Variants in SENP6 observed in about 807,000 individuals in gnomAD.
SENP6 encodes SUMO specific peptidase 6.
Under a neutral mutation model 134.5 loss-of-function variants are expected in SENP6, and 41 were observed. That is an observed-to-expected ratio of 0.30 (90% CI 0.24 to 0.40). SENP6 has a LOEUF of 0.40. Among genes scored for constraint, SENP6 ranks in the 10% least tolerant of loss-of-function variants. SENP6 has a pLI of 1.00. For missense variants in SENP6, 1,248 were observed against 1,312.5 expected (o/e 0.95, Z 0.76); for synonymous variants, 395 against 429.8 (o/e 0.92, Z 1.00).
rs182451653 is a variant in SENP6, at chr6:75,622,679, C to T, written c.146+1054C>T. ...CCACAAATATACACACAAAGTTCTA[C>T]CAAAACTATAAATATGTTAAAGAAA... On this transcript the variant is annotated intron_variant, in intron 2 of 23. Coordinates refer to ENST00000447266, the MANE Select transcript of SENP6 (RefSeq NM_015571.4). The T allele has an allele frequency of 9.6e-6, 7 of 727,900 alleles. No individual in the cohort carries two copies. The African/African-American group carries it at 1.1e-4, about 11-fold the overall frequency. 45.1% of individuals were successfully genotyped at this position (727,900 alleles called of 1,614,324 possible).
rs779056267 is a variant in SENP6, at chr6:75,703,033, G to C, written c.2677G>C (p.Gly893Arg). 5.0e-6 allele frequency: 8 copies of C among 1,611,408 alleles called. No individual in the cohort carries two copies. The highest frequency in any genetic ancestry group is 5.9e-6 in the Non-Finnish European group (7 of 1,179,170). The change falls in exon 19 of 24, where the codon GGC becomes CGC. Residue 893 changes from glycine to arginine, a missense_variant. Coordinates refer to ENST00000447266, the MANE Select transcript of SENP6 (RefSeq NM_015571.4). ...TGCTGATAGGACTAAAAGTGAGAAT[G>C]GCCTACAGAATGAAAGTTTAAGTTC... Reference protein sequence around the residue: ...KVADRTKSENGLQNESLSSTH... With the variant: ...KVADRTKSENRLQNESLSSTH...
At chr6:75,694,015 A>T (rs936566055) in intron 16 of SENP6, among the ~76,000 whole-genome samples, 1 of 152,104 alleles carries the variant, frequency 6.6e-6, no homozygotes. Flanking sequence ...CCAGCACCTT[A>T]GGAGGCCGAG....
At chr6:75,648,050 A>G (rs1356853517) in intron 7 of SENP6, among the ~76,000 whole-genome samples, 2 of 152,192 alleles carry the variant, frequency 1.3e-5, no homozygotes, top group African/African-American at 2.4e-5. Flanking sequence ...ACAAATTTGC[A>G]AATAGTGTAA....
Position 75,698,495 on chromosome 6 carries a change from AT to A in SENP6, c.2288+990del, listed in dbSNP as rs201401262. Among the ~76,000 whole-genome samples the A allele has an allele frequency of 3.2e-3, 477 of 147,822 alleles. 1 individual carries two copies. The highest frequency in any genetic ancestry group is 4.9e-3 in the Admixed American group (73 of 14,774). On this transcript the variant is annotated intron_variant, in intron 18 of 23. Transcript: ENST00000447266. ...CTAGCTGTGCCAAGCTAGCTTCTGA[AT>A]TTTTTTTTTTTAACTTTTGTAGAGG...
chr6:75,659,372 T>G lies in SENP6; in HGVS notation c.661T>G (p.Ser221Ala). 1 of 1,610,146 alleles carries G rather than the reference T, an allele frequency of 6.2e-7. No individual in the cohort carries two copies. ...CSTYQPTPPL[S>A]PASKKCLTHL... ...TACCTATCAGCCTACTCCTCCTCTA[T>G]CTCCTGCTTCAAAAAAATGTTTAAC... is the stretch of plus-strand genomic sequence containing the variant. The change falls in exon 8 of 24, where the codon TCT becomes GCT. Residue 221 changes from serine (S) to alanine (A), a missense_variant. Ser to Ala is a moderately conservative substitution (Grantham distance 99). Around this residue, in one of 3 missense-constraint regions of SENP6, gnomAD observed 733 missense variants for 725.4 expected, o/e 1.01. Coordinates refer to ENST00000447266, the MANE Select transcript of SENP6 (RefSeq NM_015571.4).
intron 17 of SENP6, 50 bp downstream of exon 17, chr6:75,695,973 A>G: frequency 1.3e-6 from 2 of 1,488,000 alleles, no homozygotes; most frequent in Non-Finnish European, 1.8e-6. Flanking sequence ...CTCACATTTA[A>G]CTAAGTGAAA....
intron 11 of SENP6, among the ~76,000 whole-genome samples, chr6:75,671,461 C>T (rs933160750): frequency 6.6e-6 from 1 of 152,210 alleles, no homozygotes; most frequent in Non-Finnish European, 1.5e-5. Context: ...CGGTGTCTCA[C>T]GCCTGTAATC....
At chr6:75,675,687 GTTTC>G (rs1562036327) in intron 12 of SENP6, 169 bp from the exon 13 acceptor site, 16 of 799,896 alleles carry the variant, frequency 2.0e-5, no homozygotes, top group Admixed American at 5.8e-5. Context: ...AAATAAAAAA[GTTTC>G]TTTAAGGCAG....
chr6:75,628,301 A>G (rs1768853916), intron 3 of SENP6, among the ~76,000 whole-genome samples: 1 of 152,134 alleles, frequency 6.6e-6, no homozygotes. Context: ...TCCTTCACTG[A>G]AGATAAACTT....
intron 16 of SENP6, among the ~76,000 whole-genome samples, chr6:75,689,329 C>T (rs1424908330): frequency 6.6e-6 from 1 of 151,992 alleles, no homozygotes; most frequent in Non-Finnish European, 1.5e-5. Flanking sequence ...GAAAGATGCT[C>T]AACATCAGTA....
In SENP6 at chr6:75,716,297, C is replaced by T. The variant is rs1388770992; in HGVS notation, c.*703C>T. On this transcript the variant is annotated 3_prime_UTR_variant, in exon 24 of 24. Transcript: ENST00000447266. ...AATGCATTTTTGAAGACATCAAAGA[C>T]TCAGGTTAAAACTATTTTGGTAAGT... 4.6e-5 allele frequency: 7 copies of T among 151,922 alleles called. No individual in the cohort carries two copies. Among genetic ancestry groups the T allele is most frequent in the Non-Finnish European group, 8.8e-5 (6 of 67,844 alleles). The allele number at this position is 151,922 out of a possible 1,614,324, so 9.4% of individuals were successfully genotyped here. A position where few individuals can be genotyped will look rare whatever the true frequency, so the allele number is the denominator to read the frequency against.
chr6:75,612,808 C>T (rs996022375), intron 1 of SENP6, among the ~76,000 whole-genome samples: 18 of 152,102 alleles, frequency 1.2e-4, no homozygotes, highest in Admixed American at 1.2e-3. Flanking sequence ...TACCCTAGGT[C>T]AGGTATCAGA....
At chr6:75,624,259 C>G (rs543834735) in intron 3 of SENP6, among the ~76,000 whole-genome samples, 58 of 152,170 alleles carry the variant, frequency 3.8e-4, no homozygotes, top group Admixed American at 1.4e-3. Flanking sequence ...TAAAAAGCAC[C>G]TCATTGTTTT....
chr6:75,643,948 G>T (rs1770226683), intron 6 of SENP6: 2 of 152,044 alleles, frequency 1.3e-5, no homozygotes, highest in Non-Finnish European at 1.5e-5. Flanking sequence ...AAGAGAAATG[G>T]TGTCCAGATC....
chr6:75,636,667 TA>T (rs1769539990), intron 5 of SENP6, among the ~76,000 whole-genome samples: 2 of 152,098 alleles, frequency 1.3e-5, no homozygotes, highest in South Asian at 4.1e-4. Context: ...AACAAGAATT[TA>T]TAAAGGAAAC....
chr6:75,676,263 C>G (rs966207739), intron 13 of SENP6, among the ~76,000 whole-genome samples: 2 of 152,028 alleles, frequency 1.3e-5, no homozygotes, highest in Non-Finnish European at 2.9e-5. Flanking sequence ...AAGATAAAAC[C>G]CAGACTTACT....
intron 1 of SENP6, among the ~76,000 whole-genome samples, chr6:75,603,221 A>G (rs567229806): frequency 2.0e-5 from 3 of 152,194 alleles, no homozygotes; most frequent in Non-Finnish European, 4.4e-5. Flanking sequence ...AGTTTTACTC[A>G]CTCGTGAGGG....
Position 75,663,353 on chromosome 6 carries a change from G to T in SENP6, c.829G>T (p.Gly277Cys), listed in dbSNP as rs1771926341. The change falls in exon 9 of 24, where the codon GGC (glycine) becomes TGC (cysteine). Residue 277 changes from glycine (G) to cysteine (C), a missense_variant. Physicochemically the swap from Gly to Cys is radical, Grantham distance 159 (BLOSUM62 -3). Transcript: ENST00000447266. Reference sequence around the variant, plus strand: ...AGGATTAACAACCAAGAAGTTTTATGGCAACAATGTGGAAAAGGTTCCAAT... The same window carrying T: ...AGGATTAACAACCAAGAAGTTTTATTGCAACAATGTGGAAAAGGTTCCAAT... ...NTGLTTKKFYGNNVEKVPIDI... is the reference protein window; with the variant it reads ...NTGLTTKKFYCNNVEKVPIDI... 6.2e-7 allele frequency: 1 copy of T among 1,613,628 alleles called. No individual in the cohort carries two copies. The highest frequency in any genetic ancestry group is 1.3e-5 in the African/African-American group (1 of 74,858).
chr6:75,662,125 A>G (rs974683862), intron 8 of SENP6, among the ~76,000 whole-genome samples: 1 of 152,230 alleles, frequency 6.6e-6, no homozygotes, highest in Non-Finnish European at 1.5e-5. Flanking sequence ...TAGGATATTT[A>G]GTAAAAATGA....
Sources: gnomAD v4.1 joint callset for allele counts (sites outside exome capture counted in the v4.1 genomes callset) on GRCh38, gnomAD v4.1.1 for gene constraint, gnomAD v4.1.1 regional missense constraint, MANE v1.5 for transcripts, NCBI Gene and HGNC (gene_info 2026-07-23, HGNC 2026-07-21) for gene names.